The following NCOA1 variants were observed in gnomAD, a reference collection of about 807,000 sequenced individuals.
NCOA1 encodes the protein nuclear receptor coactivator 1, also known as Hin-2 protein.
In NCOA1, 35 loss-of-function variants were observed where a neutral mutation model predicts 150.9. The observed-to-expected ratio is 0.23, with a 90% CI of 0.18 to 0.31. The LOEUF (loss-of-function observed/expected upper bound fraction) is 0.31, where lower values mean the gene tolerates loss of function less well. Among genes scored for constraint, NCOA1 ranks in the 10% least tolerant of loss-of-function variants. The probability of loss-of-function intolerance (pLI) is 1.00; values close to 1 mark genes in which losing one functional copy is unlikely to be tolerated. For synonymous variants in NCOA1, 590 were observed against 630.0 expected, an observed-to-expected ratio of 0.94 and a Z score of 0.95; for missense variants, 1,491 against 1,749.3, an observed-to-expected ratio of 0.85 and a Z score of 2.63.
At chr2:24,592,454 G>A (rs1572461154) in intron 3 of NCOA1, among the ~76,000 whole-genome samples, 2 of 152,064 alleles carry the variant, frequency 1.3e-5, no homozygotes, top group South Asian at 4.1e-4. Context: ...GCACCTTGAC[G>A]GCTCATAGAG....
At chr2:24,728,619 A>G in intron 16 of NCOA1, 143 bp downstream of exon 16, 2 of 626,938 alleles carry the variant, frequency 3.2e-6, no homozygotes, top group South Asian at 3.5e-5. Context: ...AAAATATATG[A>G]GTTTTTTTTT....
At chr2:24,570,573 C>G (rs1033941106) in intron 2 of NCOA1, among the ~76,000 whole-genome samples, 2 of 152,168 alleles carry the variant, frequency 1.3e-5, no homozygotes, top group African/African-American at 4.8e-5. Flanking sequence ...AAAAACATCA[C>G]CATTTTCTAA....
At chr2:24,672,744 A>G (rs1671742431) in intron 6 of NCOA1, among the ~76,000 whole-genome samples, 1 of 152,210 alleles carries the variant, frequency 6.6e-6, no homozygotes, top group African/African-American at 2.4e-5. Flanking sequence ...TCTGTGCTCA[A>G]TAATACCATA....
chr2:24,538,358 A>G (rs1365603152), intron 1 of NCOA1, among the ~76,000 whole-genome samples: 4 of 152,244 alleles, frequency 2.6e-5, no homozygotes, highest in African/African-American at 7.2e-5. Flanking sequence ...TTTAACTATT[A>G]AGATGGTATT....
rs756638499 is a variant in NCOA1 at position 24,726,673 on chromosome 2, C to T, written c.2684C>T (p.Thr895Ile). 2.5e-6 allele frequency: 4 copies of T among 1,610,450 alleles called. No individual in the cohort carries two copies. Among genetic ancestry groups the T allele is most frequent in the Admixed American group, 1.7e-5 (1 of 59,554 alleles). ...GATCAGATTCCATGGACAAATAATA[C>T]AGTGACAGCTATAAATCAGAGTAAA... ...TGDQIPWTNN[T>I]VTAINQSKSE... The change falls in exon 15 of 23, where the codon ACA (threonine) becomes ATA (isoleucine). Residue 895 changes from threonine (T) to isoleucine (I), a missense_variant. Thr to Ile is a moderately conservative substitution (Grantham distance 89, BLOSUM62 -1). This residue lies in a region of NCOA1 where 703 missense variants were observed against 717.7 expected (regional missense o/e 0.98). Transcript: ENST00000348332.
rs773857143 is a variant in NCOA1, at chr2:24,765,896, C to CTTTTTTTTTTTTTTTT, written c.4156-2321_4156-2306dup. Among the ~76,000 whole-genome samples, 183 of 128,022 alleles carry CTTTTTTTTTTTTTTTT rather than the reference C, an allele frequency of 1.4e-3. 1 individual carries two copies. Among genetic ancestry groups the CTTTTTTTTTTTTTTTT allele is most frequent in the Middle Eastern group, 4.0e-3 (1 of 250 alleles). The allele number at this position is 128,022 out of a possible 152,430, so 84.0% of individuals were successfully genotyped here. On this transcript the variant is annotated intron_variant, in intron 22 of 22. Coordinates refer to ENST00000348332, the MANE Select transcript of NCOA1 (RefSeq NM_003743.5). ...AGTTTTCTGTAATTTCAATAATACA[C>CTTTTTTTTTTTTTTTT]TTTTTTTTTTTTTTTTTTTGAGACG...
At position 24,768,446 on chromosome 2, in the gene NCOA1, A is replaced by T; in HGVS notation, c.*55A>T. On this transcript the variant is annotated 3_prime_UTR_variant, in exon 23 of 23. Coordinates refer to ENST00000348332, the MANE Select transcript of NCOA1 (RefSeq NM_003743.5). ...AATAGACATACAGAGATATACAAAT[A>T]TATTATATATTTTTCTGAGATTTTT... 4.1e-6 allele frequency: 5 copies of T among 1,206,970 alleles called. No individual in the cohort carries two copies. The highest frequency in any genetic ancestry group is 5.3e-6 in the Non-Finnish European group (5 of 940,340). 74.8% of individuals were successfully genotyped at this position (1,206,970 alleles called of 1,614,324 possible).
chr2:24,644,519 A>G (rs982424996), intron 4 of NCOA1, among the ~76,000 whole-genome samples: 1 of 152,162 alleles, frequency 6.6e-6, no homozygotes, highest in Admixed American at 6.5e-5. Flanking sequence ...TATATAGGTA[A>G]TTGTAGGTAT....
chr2:24,650,065 CT>C (rs1670645943), intron 4 of NCOA1, among the ~76,000 whole-genome samples: 1 of 152,076 alleles, frequency 6.6e-6, no homozygotes, highest in Non-Finnish European at 1.5e-5. Context: ...TCATTGATTG[CT>C]TTGAATCCAT....
intron 7 of NCOA1, among the ~76,000 whole-genome samples, chr2:24,678,536 C>T (rs540326128): frequency 5.9e-5 from 9 of 152,282 alleles, no homozygotes; most frequent in African/African-American, 2.2e-4. Context: ...TTCTCTGCAA[C>T]CTTGCCAGCA....
intron 11 of NCOA1, among the ~76,000 whole-genome samples, chr2:24,702,706 C>T (rs150834689): frequency 6.6e-6 from 1 of 152,198 alleles, no homozygotes; most frequent in African/African-American, 2.4e-5. Flanking sequence ...ACTAAGTGTT[C>T]TAAGGAGTTT....
At chr2:24,671,260 A>T (rs1671669856) in intron 6 of NCOA1, among the ~76,000 whole-genome samples, 1 of 152,130 alleles carries the variant, frequency 6.6e-6, no homozygotes. Context: ...TGGAAAAAGT[A>T]AGTTGAAAAA....
chr2:24,606,101 C>T (rs941322415), intron 3 of NCOA1, among the ~76,000 whole-genome samples: 7 of 151,946 alleles, frequency 4.6e-5, no homozygotes, highest in African/African-American at 1.7e-4. Flanking sequence ...AAAAATTTAT[C>T]GGGAATGCTG....
intron 9 of NCOA1, among the ~76,000 whole-genome samples, chr2:24,691,896 C>T (rs1208369009): frequency 2.0e-5 from 3 of 152,160 alleles, no homozygotes; most frequent in Non-Finnish European, 4.4e-5. Flanking sequence ...GGCATTCCCA[C>T]TAAAATGTCA....
intron 1 of NCOA1, among the ~76,000 whole-genome samples, chr2:24,507,435 G>GTT (rs10651704): frequency 0.45 from 56,736 of 126,148 alleles, 14,373 homozygotes; most frequent in East Asian, 0.71. Context: ...GAGCTGCTGG[G>GTT]TTTTTTTTTT....
intron 3 of NCOA1, among the ~76,000 whole-genome samples, chr2:24,588,816 T>G (rs1667523659): frequency 6.6e-6 from 1 of 152,236 alleles, no homozygotes; most frequent in Admixed American, 6.5e-5. Flanking sequence ...AAGGTATTTC[T>G]GTTGAATTCT....
intron 5 of NCOA1, among the ~76,000 whole-genome samples, chr2:24,660,371 C>G (rs574465584): frequency 5.3e-5 from 8 of 151,798 alleles, no homozygotes; most frequent in Non-Finnish European, 8.8e-5. Context: ...AATATGTTAT[C>G]ATATTTGCAT....
intron 2 of NCOA1, among the ~76,000 whole-genome samples, chr2:24,574,660 TAAA>T (rs1358158839): frequency 6.6e-6 from 1 of 152,018 alleles, no homozygotes; most frequent in Non-Finnish European, 1.5e-5. Flanking sequence ...TTCTTCTGCC[TAAA>T]AATCATTTCT....
chr2:24,653,908 TTCTC>T (rs1415075180), intron 4 of NCOA1, among the ~76,000 whole-genome samples: 1 of 152,232 alleles, frequency 6.6e-6, no homozygotes, highest in African/African-American at 2.4e-5. Context: ...CAGCATTTTC[TTCTC>T]TCTTTTGTTT....
Sources: allele counts gnomAD v4.1 joint callset (sites outside exome capture counted in the v4.1 genomes callset), GRCh38; gene constraint gnomAD v4.1.1; regional missense constraint gnomAD v4.1.1; transcripts MANE v1.5; gene names NCBI Gene and HGNC (gene_info 2026-07-23, HGNC 2026-07-21).